PRKN: variants seen among roughly 807,000 people sequenced by gnomAD.
The protein encoded by PRKN is parkin RBR E3 ubiquitin protein ligase, also known as E3 ubiquitin-protein ligase parkin.
PRKN carries 56 observed loss-of-function variants against 59.5 expected under a neutral mutation model. The observed-to-expected ratio is 0.94, with a 90% CI of 0.76 to 1.18. PRKN has a LOEUF of 1.18. Among genes scored for constraint, PRKN ranks in the 50% most tolerant of loss-of-function variants. The pLI is 0.00. For synonymous variants in PRKN, 250 were observed against 222.1 expected, an observed-to-expected ratio of 1.13 and a Z score of -1.12; for missense variants, 657 against 596.4, an observed-to-expected ratio of 1.10 and a Z score of -1.06.
At chr6:162,541,199 G>T (rs1778913400) in intron 1 of PRKN, among the ~76,000 whole-genome samples, 1 of 152,186 alleles carries the variant, frequency 6.6e-6, no homozygotes, top group African/African-American at 2.4e-5. Context: ...GCCCTCATGT[G>T]GGGAGACAGA....
intron 1 of PRKN, among the ~76,000 whole-genome samples, chr6:162,503,169 G>C (rs1287268192): frequency 7.5e-6 from 1 of 133,482 alleles, no homozygotes; most frequent in Non-Finnish European, 1.6e-5. Context: ...TGTTGGCCGG[G>C]GGGTGTTTTT....
At chr6:162,338,514 G>C (rs570668678) in intron 2 of PRKN, among the ~76,000 whole-genome samples, 40 of 152,288 alleles carry the variant, frequency 2.6e-4, no homozygotes, top group African/African-American at 9.4e-4. Flanking sequence ...TCGGCCTCCC[G>C]AGGTGCCGGG....
intron 6 of PRKN, among the ~76,000 whole-genome samples, chr6:161,796,335 A>T (rs926807250): frequency 6.6e-6 from 1 of 152,140 alleles, no homozygotes; most frequent in Non-Finnish European, 1.5e-5. Context: ...TATTAGAAAT[A>T]AAAAAATTAA....
At chr6:161,647,428 T>C (rs772313242) in intron 7 of PRKN, among the ~76,000 whole-genome samples, 2 of 152,060 alleles carry the variant, frequency 1.3e-5, no homozygotes, top group Non-Finnish European at 2.9e-5. Flanking sequence ...TCGTGCAGAG[T>C]GTGTGAAGTC....
chr6:161,665,615 A>G (rs1784698381), intron 7 of PRKN, among the ~76,000 whole-genome samples: 1 of 152,170 alleles, frequency 6.6e-6, no homozygotes, highest in African/African-American at 2.4e-5. Flanking sequence ...AGGTCACCCA[A>G]CCTTGTTCAT....
chr6:162,011,099 T>TTATA, intron 5 of PRKN, among the ~76,000 whole-genome samples: 1 of 6,280 alleles, frequency 1.6e-4, no homozygotes, highest in Non-Finnish European at 2.5e-4. Context: ...TAATATATAA[T>TTATA]ATATTTATAA....
chr6:161,482,654 T>A (rs1402626357), intron 9 of PRKN, among the ~76,000 whole-genome samples: 1 of 152,206 alleles, frequency 6.6e-6, no homozygotes, highest in Non-Finnish European at 1.5e-5. Flanking sequence ...TTACGGCTAA[T>A]TCCCTGCAAG....
intron 7 of PRKN, among the ~76,000 whole-genome samples, chr6:161,638,738 A>ATCTTTTTTTTTTTTTT (rs1483745496): frequency 1.0e-5 from 1 of 100,226 alleles, no homozygotes; most frequent in Non-Finnish European, 1.8e-5. Context: ...ACGAGATCTG[A>ATCTTTTTTTTTTTTTT]TTTTTTTTTT....
chr6:162,235,881 G>C (rs1401868079), intron 3 of PRKN, among the ~76,000 whole-genome samples: 1 of 146,028 alleles, frequency 6.8e-6, no homozygotes. Context: ...GAAAGAAAGA[G>C]AGAGAAAGAA....
At chr6:162,051,245 C>T (rs73030483) in intron 5 of PRKN, among the ~76,000 whole-genome samples, 60,246 of 151,938 alleles carry the variant, frequency 0.4, 13,294 homozygotes, top group East Asian at 0.62. Flanking sequence ...TCACTCAGCA[C>T]GGAGAATTCA....
In PRKN at chr6:161,353,428, C is replaced by T. The variant is rs1391287698; in HGVS notation, c.1286-3217G>A. 2.0e-5 allele frequency among the ~76,000 whole-genome samples: 3 copies of T among 152,144 alleles called. No individual in the cohort carries two copies. Among genetic ancestry groups the T allele is most frequent in the Non-Finnish European group, 4.4e-5 (3 of 68,038 alleles). On this transcript the variant is annotated intron_variant, in intron 11 of 11. Transcript: ENST00000366898. This position sits in a 1 kb window ranked among gnomAD's most constrained non-coding sequence, Gnocchi z 4.8. ...AGATCAAAGCCTTTCTGTCCCACCG[C>T]ATTTCAACACGGCTGTCCATGCTTC...
In PRKN at chr6:161,448,734, C is replaced by G. The variant is rs1175757848; in HGVS notation, c.1084-61857G>C. Among the ~76,000 whole-genome samples, 1 of 152,202 alleles carries G rather than the reference C, an allele frequency of 6.6e-6. No homozygotes were observed. The highest frequency in any genetic ancestry group is 2.4e-5 in the African/African-American group (1 of 41,448). On this transcript the variant is annotated intron_variant, in intron 9 of 11. Transcript: ENST00000366898. This position sits in a 1 kb window ranked among gnomAD's most constrained non-coding sequence, Gnocchi z 5.1. ...GACATCTCTGGCTGGAAAGGCACTC[C>G]CTGCAGATCTGGGAAGCCATGAGCC...
intron 9 of PRKN, among the ~76,000 whole-genome samples, chr6:161,536,529 A>G (rs1359378909): frequency 6.6e-6 from 1 of 152,126 alleles, no homozygotes; most frequent in Non-Finnish European, 1.5e-5. Flanking sequence ...CAGAGATTCT[A>G]ACCATGACCT....
intron 7 of PRKN, among the ~76,000 whole-genome samples, chr6:161,785,378 T>C (rs1177537437): frequency 2.0e-5 from 3 of 152,162 alleles, no homozygotes; most frequent in Non-Finnish European, 1.5e-5. Flanking sequence ...CATATGTTAT[T>C]TTATATATAT....
chr6:162,311,417 T>C (rs1292195734), intron 2 of PRKN, among the ~76,000 whole-genome samples: 1 of 151,694 alleles, frequency 6.6e-6, no homozygotes, highest in East Asian at 1.9e-4. Flanking sequence ...ATTATACAGG[T>C]GAAAATAAAA....
chr6:162,311,966 G>A (rs1431555447), intron 2 of PRKN, among the ~76,000 whole-genome samples: 2 of 151,830 alleles, frequency 1.3e-5, no homozygotes. Flanking sequence ...TAACCAAGAC[G>A]CTTGATCACA....
chr6:162,054,090 C>G lies in PRKN; in HGVS notation c.618+1G>C. 1.9e-6 allele frequency: 3 copies of G among 1,586,542 alleles called. No homozygotes were observed. Among genetic ancestry groups the G allele is most frequent in the South Asian group, 1.1e-5 (1 of 90,536 alleles). On this transcript the variant is annotated splice_donor_variant, in intron 5 of 11. Coordinates refer to ENST00000366898, the MANE Select transcript of PRKN (RefSeq NM_004562.3). LOFTEE classifies it high-confidence loss of function. ...AGGAATGAATGTGACCAGGTACTTA[C>G]TGCACTAGTCCCAGGGCAGTGTGGG... is the stretch of plus-strand genomic sequence containing the variant.
Position 161,439,846 on chromosome 6 carries a change from C to T in PRKN, c.1084-52969G>A, listed in dbSNP as rs181611739. Reference sequence around the variant, plus strand: ...TAATTATGCAAGCAATCTCGTGGGGCAGGTACTATGAGCTCAGATAGACTT... The same window carrying T: ...TAATTATGCAAGCAATCTCGTGGGGTAGGTACTATGAGCTCAGATAGACTT... On this transcript the variant is annotated intron_variant, in intron 9 of 11. Coordinates refer to ENST00000366898, the MANE Select transcript of PRKN (RefSeq NM_004562.3). Among the ~76,000 whole-genome samples, 203 of 152,178 alleles carry T rather than the reference C, an allele frequency of 1.3e-3. 1 individual carries two copies. Among genetic ancestry groups the T allele is most frequent in the Admixed American group, 0.012 (188 of 15,294 alleles).
chr6:162,494,367 T>C (rs1792962048), intron 1 of PRKN, among the ~76,000 whole-genome samples: 1 of 151,968 alleles, frequency 6.6e-6, no homozygotes, highest in African/African-American at 2.4e-5. Context: ...CCCTGGCTTC[T>C]GCAAGACCCC....
Sources: gnomAD v4.1 joint callset for allele counts (sites outside exome capture counted in the v4.1 genomes callset) on GRCh38, gnomAD v4.1.1 for gene constraint, Gnocchi (gnomAD v3.1) non-coding constraint, MANE v1.5 for transcripts, NCBI Gene and HGNC (gene_info 2026-07-23, HGNC 2026-07-21) for gene names.